ZNF277: variants seen among roughly 807,000 people sequenced by gnomAD.
ZNF277 encodes zinc finger protein 277, also known as nuclear receptor-interacting factor 4.
Under a neutral mutation model 60.7 loss-of-function variants are expected in ZNF277, and 55 were observed. That is an observed-to-expected ratio of 0.91 (90% CI 0.73 to 1.13). The LOEUF (loss-of-function observed/expected upper bound fraction) is 1.13, where lower values mean the gene tolerates loss of function less well. Among genes scored for constraint, ZNF277 ranks in the 50% most tolerant of loss-of-function variants. The pLI is 0.00. For missense variants in ZNF277, 510 were observed against 523.0 expected, an observed-to-expected ratio of 0.98 and a Z score of 0.24; for synonymous variants, 178 against 179.3, an observed-to-expected ratio of 0.99 and a Z score of 0.06.
intron 1 of ZNF277, among the ~76,000 whole-genome samples, chr7:112,284,597 A>G (rs1792018401): frequency 6.6e-6 from 1 of 152,234 alleles, no homozygotes; most frequent in Non-Finnish European, 1.5e-5. Flanking sequence ...TAATAAATAT[A>G]GTAATTGATA....
chr7:112,298,735 G>A (rs916403862), intron 4 of ZNF277, among the ~76,000 whole-genome samples: 3 of 152,164 alleles, frequency 2.0e-5, no homozygotes, highest in African/African-American at 4.8e-5. Flanking sequence ...TTTGGTTCTT[G>A]CTTCATAGCA....
chr7:112,231,195 A>G (rs935757507), intron 1 of ZNF277, among the ~76,000 whole-genome samples: 10 of 141,758 alleles, frequency 7.1e-5, no homozygotes, highest in African/African-American at 2.7e-4. Flanking sequence ...GCCTGGCAAC[A>G]ATGTGAGACT....
At chr7:112,337,006 A>G (rs1279929214) in intron 8 of ZNF277, among the ~76,000 whole-genome samples, 1 of 152,160 alleles carries the variant, frequency 6.6e-6, no homozygotes, top group Non-Finnish European at 1.5e-5. Context: ...GAATTGGGTT[A>G]GGTTGATCTT....
chr7:112,340,036 A>C (rs1793412896), intron 10 of ZNF277, 151 bp downstream of exon 10: 1 of 707,002 alleles, frequency 1.4e-6, no homozygotes, highest in Non-Finnish European at 2.4e-6. Context: ...TCTGTGAAGC[A>C]GTGATGCTCA....
intron 2 of ZNF277, chr7:112,287,385 G>T (rs1162080430): frequency 4.1e-6 from 1 of 242,442 alleles, no homozygotes; most frequent in African/African-American, 2.2e-5. Context: ...TTAAGAAAGA[G>T]AATTAAATGT....
In ZNF277 at chr7:112,339,896, T is replaced by C. The variant is rs182775651; in HGVS notation, c.1009+11T>C. Reference sequence around the variant, plus strand: ...TAAAGTCAGAACTTGGTAAGTTTGATTCAGAGGTTTTTTTCTGTGATGCTT... The same window carrying C: ...TAAAGTCAGAACTTGGTAAGTTTGACTCAGAGGTTTTTTTCTGTGATGCTT... On this transcript the variant is annotated intron_variant, in intron 10 of 11. Coordinates refer to ENST00000361822, the MANE Select transcript of ZNF277 (RefSeq NM_021994.3). 8.1e-6 allele frequency: 13 copies of C among 1,608,018 alleles called. No individual in the cohort carries two copies. In the East Asian group the frequency reaches 2.9e-4, roughly 36 times the overall value.
chr7:112,290,268 G>A (rs1792177065), intron 2 of ZNF277, among the ~76,000 whole-genome samples: 1 of 152,218 alleles, frequency 6.6e-6, no homozygotes, highest in African/African-American at 2.4e-5. Context: ...TGTGAGGAAT[G>A]TCTGAATCAG....
At chr7:112,314,828 C>A (rs975786171) in intron 4 of ZNF277, among the ~76,000 whole-genome samples, 15 of 151,988 alleles carry the variant, frequency 9.9e-5, no homozygotes. Context: ...AGGTTGGAAT[C>A]AAGTACAGAG....
At chr7:112,337,618 G>C (rs745466565) in intron 8 of ZNF277, 112 bp from the exon 9 acceptor site, 10 of 796,932 alleles carry the variant, frequency 1.3e-5, no homozygotes, top group African/African-American at 8.6e-5. Context: ...TGTCAGAGTT[G>C]AAAGAGATTG....
intron 9 of ZNF277, among the ~76,000 whole-genome samples, chr7:112,338,586 C>T (rs2117143571): frequency 6.6e-6 from 1 of 152,274 alleles, no homozygotes; most frequent in East Asian, 1.9e-4. Context: ...TCTACTTTCA[C>T]CCACTTTCAC....
chr7:112,220,679 C>G (rs1240592275), intron 1 of ZNF277, among the ~76,000 whole-genome samples: 1 of 152,120 alleles, frequency 6.6e-6, no homozygotes, highest in Non-Finnish European at 1.5e-5. Context: ...TTTCCTAGGC[C>G]GACTAAGAAT....
In ZNF277 at chr7:112,249,324, A is replaced by C. The variant is rs143521832; in HGVS notation, c.92-37549A>C. Among the ~76,000 whole-genome samples the C allele has an allele frequency of 8.6e-4, 131 of 152,336 alleles. No individual in the cohort carries two copies. The East Asian group carries it at 0.024, about 28-fold the overall frequency. ...AGGTCCAATGAACAAAATAAGTAAT[A>C]AAATATTGGCTTTAATACTCAAAAT... On this transcript the variant is annotated intron_variant, in intron 1 of 11. Coordinates refer to ENST00000361822, the MANE Select transcript of ZNF277 (RefSeq NM_021994.3).
At chr7:112,305,246 C>T (rs919735670) in intron 4 of ZNF277, among the ~76,000 whole-genome samples, 1 of 151,850 alleles carries the variant, frequency 6.6e-6, no homozygotes, top group Non-Finnish European at 1.5e-5. Context: ...TAATAATAAG[C>T]TCATGGCTTT....
intron 4 of ZNF277, among the ~76,000 whole-genome samples, chr7:112,310,596 T>C (rs1004410960): frequency 1.3e-5 from 2 of 152,102 alleles, no homozygotes; most frequent in Non-Finnish European, 2.9e-5. Context: ...CTTGAAACAT[T>C]TATTAGAACA....
At chr7:112,280,521 AT>A (rs1563214043) in intron 1 of ZNF277, among the ~76,000 whole-genome samples, 1 of 152,102 alleles carries the variant, frequency 6.6e-6, no homozygotes, top group East Asian at 1.9e-4. Flanking sequence ...AATTTCCAAG[AT>A]GTTTGCCTCT....
intron 4 of ZNF277, among the ~76,000 whole-genome samples, chr7:112,311,611 T>C (rs1329216524): frequency 1.3e-5 from 2 of 152,078 alleles, no homozygotes; most frequent in Non-Finnish European, 2.9e-5. Flanking sequence ...GTGCTTTTTA[T>C]GGAGTGTCTC....
intron 1 of ZNF277, among the ~76,000 whole-genome samples, chr7:112,273,374 T>G (rs898351682): frequency 4.6e-5 from 7 of 152,062 alleles, no homozygotes; most frequent in East Asian, 1.9e-4. Context: ...CACTGCACTC[T>G]CCCTCCACCA....
At chr7:112,229,724 G>A (rs1043408512) in intron 1 of ZNF277, among the ~76,000 whole-genome samples, 1 of 152,214 alleles carries the variant, frequency 6.6e-6, no homozygotes, top group African/African-American at 2.4e-5. Flanking sequence ...TGTCTTGAAG[G>A]AGCCAATGTC....
chr7:112,229,638 G>C (rs780264713), intron 1 of ZNF277, among the ~76,000 whole-genome samples: 3 of 152,138 alleles, frequency 2.0e-5, no homozygotes, highest in Non-Finnish European at 4.4e-5. Context: ...CTCGAGCTCT[G>C]AGTCTCAGCA....
Sources: gnomAD v4.1 joint callset for allele counts (sites outside exome capture counted in the v4.1 genomes callset) on GRCh38, gnomAD v4.1.1 for gene constraint, MANE v1.5 for transcripts, NCBI Gene and HGNC (gene_info 2026-07-23, HGNC 2026-07-21) for gene names.